Variants in FYB2 observed in about 807,000 individuals in gnomAD.
FYB2 encodes FYN binding protein 2, also known as FYN-binding protein 2.
Under a neutral mutation model 94.1 loss-of-function variants are expected in FYB2, and 103 were observed. The observed-to-expected ratio is 1.09, with a 90% CI of 0.93 to 1.29. The LOEUF (loss-of-function observed/expected upper bound fraction) is 1.29, where lower values mean the gene tolerates loss of function less well. FYB2 is among the 50% of genes most tolerant of loss of function. The pLI is 0.00. For missense variants in FYB2, 896 were observed against 841.5 expected (o/e 1.06, Z -0.80); for synonymous variants, 293 against 287.9 (o/e 1.02, Z -0.18).
intron 4 of FYB2, among the ~76,000 whole-genome samples, chr1:56,780,597 G>A (rs1304138976): frequency 2.0e-5 from 3 of 152,180 alleles, no homozygotes; most frequent in Non-Finnish European, 4.4e-5. Flanking sequence ...GTCAGAGAGC[G>A]CACAAAGCAC....
At chr1:56,742,802 C>A (rs1479355012) in intron 11 of FYB2, among the ~76,000 whole-genome samples, 5 of 152,096 alleles carry the variant, frequency 3.3e-5, no homozygotes, top group Admixed American at 6.6e-5. Flanking sequence ...CTCTATGTTT[C>A]AATTTTCTTT....
At chr1:56,758,788 A>C in intron 5 of FYB2, 38 bp from the exon 6 acceptor site, 92 of 1,495,482 alleles carry the variant, frequency 6.2e-5, no homozygotes, top group Non-Finnish European at 7.8e-5. Flanking sequence ...AAGGCAGCTG[A>C]TCCACCCATT....
At chr1:56,818,168 T>C (rs956782789) in intron 1 of FYB2, among the ~76,000 whole-genome samples, 1 of 152,074 alleles carries the variant, frequency 6.6e-6, no homozygotes, top group African/African-American at 2.4e-5. Flanking sequence ...AATTGCTAAG[T>C]GGTATGGTCG....
intron 4 of FYB2, among the ~76,000 whole-genome samples, chr1:56,775,685 C>T (rs1050994726): frequency 6.6e-6 from 1 of 152,082 alleles, no homozygotes; most frequent in Non-Finnish European, 1.5e-5. Context: ...TGCTATATAC[C>T]ATCTTACACA....
intron 1 of FYB2, among the ~76,000 whole-genome samples, chr1:56,804,936 T>A (rs1177550263): frequency 1.3e-5 from 2 of 152,160 alleles, no homozygotes; most frequent in Non-Finnish European, 2.9e-5. Flanking sequence ...AACTCACCCC[T>A]GCAGTAAAAC....
intron 9 of FYB2, 70 bp from the exon 10 acceptor site, chr1:56,744,336 C>T (rs1645024020): frequency 8.8e-7 from 1 of 1,138,330 alleles, no homozygotes. Flanking sequence ...ACACACATCA[C>T]TGGCAGTGGA....
At chr1:56,730,785 T>C (rs1055447852) in intron 15 of FYB2, among the ~76,000 whole-genome samples, 1 of 152,076 alleles carries the variant, frequency 6.6e-6, no homozygotes, top group African/African-American at 2.4e-5. Flanking sequence ...TAACTCATTC[T>C]ATGAGGCCAG....
Position 56,755,775 on chromosome 1 carries a change from G to A in FYB2, c.1130+121C>T, listed in dbSNP as rs534219420. 114 of 948,474 alleles carry A rather than the reference G, an allele frequency of 1.2e-4. No homozygotes were observed. The South Asian group carries it at 1.4e-3, about 12-fold the overall frequency. The allele number at this position is 948,474 out of a possible 1,614,324, so 58.8% of individuals were successfully genotyped here. A position where few individuals can be genotyped will look rare whatever the true frequency, so the allele number is the denominator to read the frequency against. ...TGTACTAGGCACCTTGCAAGGTGCCGGGGAAACTGAACCAGGCTAGCTCAG... is the reference window on the plus strand; with the variant it reads ...TGTACTAGGCACCTTGCAAGGTGCCAGGGAAACTGAACCAGGCTAGCTCAG... On this transcript the variant is annotated intron_variant, in intron 7 of 19. Transcript: ENST00000343433.
intron 6 of FYB2, among the ~76,000 whole-genome samples, chr1:56,757,535 T>C (rs1251107662): frequency 2.0e-5 from 3 of 152,092 alleles, no homozygotes; most frequent in African/African-American, 7.2e-5. Context: ...GGTCCCTTTA[T>C]TTATTGAGCA....
intron 11 of FYB2, 63 bp downstream of exon 11, chr1:56,743,963 A>G (rs1442212574): frequency 1.3e-6 from 2 of 1,508,586 alleles, no homozygotes; most frequent in Non-Finnish European, 1.8e-6. Context: ...CTTATCACTA[A>G]TCAGCCATAG....
intron 18 of FYB2, 57 bp downstream of exon 18, chr1:56,720,116 A>G: frequency 6.3e-7 from 1 of 1,585,510 alleles, no homozygotes; most frequent in Non-Finnish European, 8.6e-7. Flanking sequence ...TTTTTAAAGC[A>G]TTTTAAGATT....
intron 1 of FYB2, among the ~76,000 whole-genome samples, chr1:56,811,929 A>T (rs1489116101): frequency 6.0e-5 from 9 of 150,656 alleles, no homozygotes. Context: ...TTTCCTAACC[A>T]TTTTTTTTTC....
intron 9 of FYB2, among the ~76,000 whole-genome samples, chr1:56,750,098 T>A (rs1320855108): frequency 4.6e-5 from 7 of 151,920 alleles, no homozygotes; most frequent in Admixed American, 4.6e-4. Context: ...AAATACCAAA[T>A]GGTCTGTGAT....
intron 9 of FYB2, among the ~76,000 whole-genome samples, chr1:56,748,328 A>G (rs1375263557): frequency 6.6e-6 from 1 of 152,054 alleles, no homozygotes; most frequent in African/African-American, 2.4e-5. Flanking sequence ...GTCCATGCCT[A>G]TGTCCTGAAT....
At chr1:56,764,580 TAG>T (rs1259565469) in intron 5 of FYB2, among the ~76,000 whole-genome samples, 1 of 152,042 alleles carries the variant, frequency 6.6e-6, no homozygotes, top group East Asian at 1.9e-4. Flanking sequence ...TCTTTCTCTA[TAG>T]AGACATTTTA....
rs1453236717 is a variant in FYB2 at position 56,777,239 on chromosome 1, C to CAAAAAAAAAAAAAAAAAAAAA, written c.954-9322_954-9302dup. ...ACAGAGCGAGACTCCGTCTCAAAAA[C>CAAAAAAAAAAAAAAAAAAAAA]AAAAAAAAAAAAAAAAAAAAAAAAA... On this transcript the variant is annotated intron_variant, in intron 4 of 19. Transcript: ENST00000343433. Among the ~76,000 whole-genome samples the CAAAAAAAAAAAAAAAAAAAAA allele has an allele frequency of 6.3e-4, 3 of 4,798 alleles. 1 individual carries two copies. The highest frequency in any genetic ancestry group is 5.2e-3 in the Admixed American group (1 of 194). The allele number at this position is 4,798 out of a possible 152,430, so 3.1% of individuals were successfully genotyped here.
intron 1 of FYB2, among the ~76,000 whole-genome samples, chr1:56,808,677 G>T (rs1428400328): frequency 6.6e-6 from 1 of 152,162 alleles, no homozygotes; most frequent in African/African-American, 2.4e-5. Flanking sequence ...GCCCTTTGGA[G>T]GAAACCATGC....
intron 7 of FYB2, among the ~76,000 whole-genome samples, chr1:56,755,630 G>A (rs570551736): frequency 2.0e-5 from 3 of 152,240 alleles, no homozygotes; most frequent in African/African-American, 7.2e-5. Context: ...CACTGCCAAA[G>A]CCCCACTGGT....
At chr1:56,760,168 G>C (rs857101) in intron 5 of FYB2, among the ~76,000 whole-genome samples, 1 of 151,778 alleles carries the variant, frequency 6.6e-6, no homozygotes, top group Admixed American at 6.6e-5. Flanking sequence ...AAATTGCTTG[G>C]TTGGTTTTCT....
Sources: allele counts gnomAD v4.1 joint callset (sites outside exome capture counted in the v4.1 genomes callset), GRCh38; gene constraint gnomAD v4.1.1; transcripts MANE v1.5; gene names NCBI Gene and HGNC (gene_info 2026-07-23, HGNC 2026-07-21).